Variants in SEMA6D observed in about 807,000 individuals in gnomAD.
SEMA6D encodes semaphorin-6D.
A neutral mutation model predicts 106.6 loss-of-function variants in SEMA6D; 35 were observed. The ratio of observed to expected loss-of-function variants is 0.33; its 90% CI spans 0.25 to 0.44. The LOEUF (loss-of-function observed/expected upper bound fraction) is 0.44, where lower values mean the gene tolerates loss of function less well. Among genes scored for constraint, SEMA6D ranks in the 20% least tolerant of loss-of-function variants. The probability of loss-of-function intolerance (pLI) is 1.00; values close to 1 mark genes in which losing one functional copy is unlikely to be tolerated. For synonymous variants in SEMA6D, 499 were observed against 487.7 expected, an observed-to-expected ratio of 1.02 and a Z score of -0.31; for missense variants, 1,185 against 1,345.9, an observed-to-expected ratio of 0.88 and a Z score of 1.87.
chr15:47,764,298 A>C lies in SEMA6D; in HGVS notation c.1090A>C (p.Lys364Gln), dbSNP rs1181933962. 6.2e-7 allele frequency: 1 copy of C among 1,611,414 alleles called. No individual in the cohort carries two copies. Among genetic ancestry groups the C allele is most frequent in the Admixed American group, 1.7e-5 (1 of 59,384 alleles). ...AGCAGTTCCCGAAGACAAAGTGCCA[A>C]AGCCAAGGTAAATAAAAAAGTAGAA... Reference protein sequence around the residue: ...WTAVPEDKVPKPRPGCCAKHG... With the variant: ...WTAVPEDKVPQPRPGCCAKHG... The change falls in exon 11 of 19, where the codon AAG (lysine) becomes CAG (glutamine). Residue 364 changes from lysine to glutamine, a missense_variant. This residue lies in a region of SEMA6D where 291 missense variants were observed against 423.8 expected (regional missense o/e 0.69). Coordinates refer to ENST00000536845, the MANE Select transcript of SEMA6D (RefSeq NM_001358351.3).
chr15:47,508,399 G>A (rs2044119982), intron 3 of SEMA6D, among the ~76,000 whole-genome samples: 1 of 152,190 alleles, frequency 6.6e-6, no homozygotes, highest in Non-Finnish European at 1.5e-5. Flanking sequence ...ATGAGGCTGG[G>A]GATAAGGTCA....
intron 3 of SEMA6D, among the ~76,000 whole-genome samples, chr15:47,501,957 A>G (rs2043863302): frequency 6.6e-6 from 1 of 151,782 alleles, no homozygotes; most frequent in African/African-American, 2.4e-5. Flanking sequence ...CCATCTTTGC[A>G]TTGCCTCCTT....
At chr15:47,314,944 C>T (rs1278486876) in intron 1 of SEMA6D, among the ~76,000 whole-genome samples, 1 of 145,538 alleles carries the variant, frequency 6.9e-6, no homozygotes, top group Non-Finnish European at 1.5e-5. Context: ...CGGCTCACTG[C>T]AAGCTCCGCC....
intron 3 of SEMA6D, among the ~76,000 whole-genome samples, chr15:47,571,279 T>A (rs1239145193): frequency 6.6e-6 from 1 of 152,122 alleles, no homozygotes; most frequent in African/African-American, 2.4e-5. Context: ...AAAAAAAAAA[T>A]TCTGGAGCCC....
Position 47,356,813 on chromosome 15 carries a change from G to A in SEMA6D, c.-238-55580G>A, listed in dbSNP as rs570160757. 1.2e-4 allele frequency among the ~76,000 whole-genome samples: 18 copies of A among 152,162 alleles called. No homozygotes were observed. The East Asian group carries it at 2.3e-3, about 20-fold the overall frequency. On this transcript the variant is annotated intron_variant, in intron 1 of 19. Transcript: ENST00000558014. ...ACCATTTCATCCATCTCTCCTAAAG[G>A]CCTCAGGATGTGTTAGAGGAGCCAA... is the stretch of plus-strand genomic sequence containing the variant.
Position 47,658,353 on chromosome 15 carries a change from A to G in SEMA6D, c.-55+57457A>G, listed in dbSNP as rs76766208. Among the ~76,000 whole-genome samples, 952 of 152,114 alleles carry G rather than the reference A, an allele frequency of 6.3e-3. 5 individuals carry two copies. Among genetic ancestry groups the G allele is most frequent in the African/African-American group, 0.021 (890 of 41,490 alleles). ...TGGCTATAATATAATATTTTTCTCA[A>G]CTCTTACACGCCATCAAGTATTATG... On this transcript the variant is annotated intron_variant, in intron 4 of 19. Transcript: ENST00000558014.
At chr15:47,230,594 C>T (rs1017961717) in intron 1 of SEMA6D, among the ~76,000 whole-genome samples, 1 of 151,998 alleles carries the variant, frequency 6.6e-6, no homozygotes, top group Non-Finnish European at 1.5e-5. Flanking sequence ...ATTGGAGTCA[C>T]AGGTCACCAG....
At chr15:47,743,169 A>G (rs902694173) in intron 1 of SEMA6D, among the ~76,000 whole-genome samples, 1 of 152,254 alleles carries the variant, frequency 6.6e-6, no homozygotes, top group Non-Finnish European at 1.5e-5. Context: ...TTTCAAAATC[A>G]AGGGAAGTCC....
At chr15:47,570,062 A>C (rs1331684949) in intron 3 of SEMA6D, among the ~76,000 whole-genome samples, 2 of 131,618 alleles carry the variant, frequency 1.5e-5, no homozygotes, top group East Asian at 2.0e-4. Flanking sequence ...ACTCCATCTC[A>C]AAAAAAAAAA....
intron 1 of SEMA6D, among the ~76,000 whole-genome samples, chr15:47,723,589 T>C (rs1322650442): frequency 6.6e-6 from 1 of 152,216 alleles, no homozygotes; most frequent in African/African-American, 2.4e-5. Context: ...TATTAGATTG[T>C]ACTATACATT....
At chr15:47,592,195 A>G (rs1393847605) in intron 3 of SEMA6D, among the ~76,000 whole-genome samples, 1 of 152,192 alleles carries the variant, frequency 6.6e-6, no homozygotes, top group Non-Finnish European at 1.5e-5. Flanking sequence ...TTCATTAAAA[A>G]TCAATATCTT....
At chr15:47,553,197 C>T (rs2045815541) in intron 3 of SEMA6D, among the ~76,000 whole-genome samples, 1 of 151,914 alleles carries the variant, frequency 6.6e-6, no homozygotes, top group South Asian at 2.1e-4. Context: ...AGCCACCGCG[C>T]CCAGCCAACC....
intron 13 of SEMA6D, among the ~76,000 whole-genome samples, chr15:47,765,658 A>G (rs1193178917): frequency 6.6e-6 from 1 of 152,200 alleles, no homozygotes; most frequent in Non-Finnish European, 1.5e-5. Context: ...ACAGGAAAGC[A>G]ATGTTTAAAA....
At chr15:47,387,000 G>A (rs1191784794) in intron 1 of SEMA6D, among the ~76,000 whole-genome samples, 1 of 151,582 alleles carries the variant, frequency 6.6e-6, no homozygotes, top group African/African-American at 2.4e-5. Flanking sequence ...CACTGAGGCA[G>A]CCCATCCTTG....
chr15:47,386,466 C>A (rs993609958), intron 1 of SEMA6D, among the ~76,000 whole-genome samples: 1 of 152,094 alleles, frequency 6.6e-6, no homozygotes, highest in African/African-American at 2.4e-5. Flanking sequence ...GAGGCGGGTG[C>A]TGGGAGAAAT....
intron 1 of SEMA6D, chr15:47,274,080 T>G (rs2034688391): frequency 6.6e-6 from 1 of 152,160 alleles, no homozygotes; most frequent in Non-Finnish European, 1.5e-5. Context: ...CCCCCATTAT[T>G]GCTGTGTGGG....
chr15:47,452,016 T>A (rs534292826), intron 2 of SEMA6D, among the ~76,000 whole-genome samples: 3 of 152,024 alleles, frequency 2.0e-5, no homozygotes, highest in African/African-American at 7.2e-5. Context: ...AGGCCATTGG[T>A]ACTTAGTGTT....
chr15:47,720,044 G>A (rs2079325816), intron 1 of SEMA6D, among the ~76,000 whole-genome samples: 1 of 152,126 alleles, frequency 6.6e-6, no homozygotes, highest in Non-Finnish European at 1.5e-5. Flanking sequence ...TATAGTTACT[G>A]TCTGTGCTTT....
intron 1 of SEMA6D, among the ~76,000 whole-genome samples, chr15:47,358,127 G>T (rs2038661769): frequency 6.6e-6 from 1 of 152,166 alleles, no homozygotes; most frequent in African/African-American, 2.4e-5. Flanking sequence ...TAAGGCAGAT[G>T]ATGCTGTTCC....
Sources: gnomAD v4.1 joint callset for allele counts (sites outside exome capture counted in the v4.1 genomes callset) on GRCh38, gnomAD v4.1.1 for gene constraint, gnomAD v4.1.1 regional missense constraint, MANE v1.5 for transcripts, NCBI Gene and HGNC (gene_info 2026-07-23, HGNC 2026-07-21) for gene names.